PARD3: variants seen among roughly 807,000 people sequenced by gnomAD.
PARD3 encodes partitioning defective 3 homolog.
PARD3 carries 75 observed loss-of-function variants against 155.4 expected under a neutral mutation model. That is an observed-to-expected ratio of 0.48 (90% CI 0.40 to 0.58). The LOEUF (loss-of-function observed/expected upper bound fraction) is 0.58. PARD3 is among the 20% of genes least tolerant of loss of function. PARD3 has a pLI of 0.00. For missense variants in PARD3, 1,642 were observed against 1,721.7 expected (o/e 0.95, Z 0.82); for synonymous variants, 576 against 610.5 (o/e 0.94, Z 0.83).
chr10:34,129,076 C>T (rs2132752867), intron 23 of PARD3, among the ~76,000 whole-genome samples: 1 of 152,324 alleles, frequency 6.6e-6, no homozygotes, highest in East Asian at 1.9e-4. Flanking sequence ...GTTCTACTTG[C>T]ATCTGCTTTA....
At chr10:34,369,477 T>C (rs1840363017) in intron 12 of PARD3, among the ~76,000 whole-genome samples, 1 of 152,102 alleles carries the variant, frequency 6.6e-6, no homozygotes, top group Non-Finnish European at 1.5e-5. Context: ...TTGTAAAGAT[T>C]AAATAAGATA....
chr10:34,674,593 T>C (rs527618700), intron 2 of PARD3, among the ~76,000 whole-genome samples: 2 of 151,624 alleles, frequency 1.3e-5, no homozygotes, highest in Non-Finnish European at 2.9e-5. Context: ...TTCAAGCGAT[T>C]CTCCTGCCTC....
At position 34,696,205 on chromosome 10, in the gene PARD3, A is replaced by C. The variant is rs2094168955; in HGVS notation, c.222+113T>G. The C allele has an allele frequency of 2.0e-5, 13 of 657,236 alleles. No homozygotes were observed. In the Admixed American group the frequency reaches 3.1e-4, roughly 16 times the overall value. 40.7% of individuals were successfully genotyped at this position (657,236 alleles called of 1,614,324 possible). ...GAAAATATACTAGAGTGGGTGGCCC[A>C]CACATAATTTAAAGTATGTGTCTAA... On this transcript the variant is annotated intron_variant, in intron 2 of 24. Transcript: ENST00000374788.
At chr10:34,145,214 TATA>T (rs1419558116) in intron 22 of PARD3, among the ~76,000 whole-genome samples, 4 of 80,022 alleles carry the variant, frequency 5.0e-5, no homozygotes, top group Non-Finnish European at 9.6e-5. Flanking sequence ...TATATATATA[TATA>T]TATATTTTTT....
intron 2 of PARD3, among the ~76,000 whole-genome samples, chr10:34,582,078 C>T (rs917232518): frequency 6.6e-6 from 1 of 152,198 alleles, no homozygotes; most frequent in Non-Finnish European, 1.5e-5. Flanking sequence ...TAAAGACTTG[C>T]TGAAGTTTCA....
Position 34,755,343 on chromosome 10 carries a change from C to T in PARD3, c.121-58924G>A, listed in dbSNP as rs112835247. Reference sequence around the variant, plus strand: ...AGGAAAATCGCTTGAGCCAGGGAAGCAGAGGTTGCAGTGAGCTGAGATTGC... The same window carrying T: ...AGGAAAATCGCTTGAGCCAGGGAAGTAGAGGTTGCAGTGAGCTGAGATTGC... On this transcript the variant is annotated intron_variant, in intron 1 of 24. Coordinates refer to ENST00000374788, the MANE Select transcript of PARD3 (RefSeq NM_001184785.2). 9.2e-3 allele frequency among the ~76,000 whole-genome samples: 1,402 copies of T among 152,016 alleles called. 26 individuals carry two copies. Among genetic ancestry groups the T allele is most frequent in the African/African-American group, 0.032 (1,309 of 41,448 alleles).
At chr10:34,299,665 A>G (rs753517559) in intron 20 of PARD3, among the ~76,000 whole-genome samples, 2 of 152,368 alleles carry the variant, frequency 1.3e-5, no homozygotes, top group African/African-American at 4.8e-5. Flanking sequence ...ATAAAAGATA[A>G]TAAGACCTGC....
chr10:34,334,091 T>C (rs1359895944), intron 18 of PARD3, among the ~76,000 whole-genome samples: 2 of 151,870 alleles, frequency 1.3e-5, no homozygotes, highest in South Asian at 2.1e-4. Context: ...TTTAAAACAA[T>C]ATTTTAAGCT....
chr10:34,190,529 T>C (rs979110781), intron 22 of PARD3, among the ~76,000 whole-genome samples: 1 of 152,186 alleles, frequency 6.6e-6, no homozygotes, highest in African/African-American at 2.4e-5. Context: ...TAAATGCCCT[T>C]TGAGGTTCTC....
chr10:34,501,811 TA>T (rs943240852), intron 3 of PARD3, among the ~76,000 whole-genome samples: 1 of 151,850 alleles, frequency 6.6e-6, no homozygotes, highest in African/African-American at 2.4e-5. Context: ...GTGATTAAGG[TA>T]AAGACCTTGG....
chr10:34,259,671 C>T (rs938513688), intron 22 of PARD3, among the ~76,000 whole-genome samples: 4 of 152,066 alleles, frequency 2.6e-5, no homozygotes, highest in Admixed American at 6.6e-5. Context: ...CATCATACAA[C>T]GAGAGGAATG....
intron 1 of PARD3, among the ~76,000 whole-genome samples, chr10:34,798,814 T>G (rs1337976761): frequency 6.6e-6 from 1 of 151,988 alleles, no homozygotes; most frequent in Non-Finnish European, 1.5e-5. Context: ...GAAATTTCCA[T>G]GCACAGTCCA....
chr10:34,683,317 C>T (rs1006149919), intron 2 of PARD3, among the ~76,000 whole-genome samples: 7 of 151,826 alleles, frequency 4.6e-5, no homozygotes, highest in Admixed American at 2.6e-4. Context: ...ATGAGTTCAC[C>T]GAGGCTCAAA....
chr10:34,541,293 C>A (rs1238453341), intron 2 of PARD3, among the ~76,000 whole-genome samples: 1 of 152,170 alleles, frequency 6.6e-6, no homozygotes, highest in East Asian at 1.9e-4. Context: ...GAAGAACTTC[C>A]AGTGTGCTTA....
intron 22 of PARD3, among the ~76,000 whole-genome samples, chr10:34,142,622 TGGAA>T (rs147788363): frequency 0.01 from 1,501 of 145,968 alleles, 16 homozygotes; most frequent in African/African-American, 0.036. Context: ...GAAAGACGGA[TGGAA>T]GGAAGAAAGG....
At chr10:34,456,541 G>A (rs2077350990) in intron 4 of PARD3, among the ~76,000 whole-genome samples, 3 of 152,110 alleles carry the variant, frequency 2.0e-5, no homozygotes, top group Non-Finnish European at 4.4e-5. Context: ...CAGGCGATCC[G>A]CTCACCTCGG....
chr10:34,667,436 G>A (rs11009857), intron 2 of PARD3, among the ~76,000 whole-genome samples: 3,214 of 152,338 alleles, frequency 0.021, 116 homozygotes, highest in African/African-American at 0.074. Flanking sequence ...GATCAATGGT[G>A]CCTTTCTCTG....
chr10:34,295,484 C>T (rs111942785), intron 20 of PARD3, among the ~76,000 whole-genome samples: 2 of 152,296 alleles, frequency 1.3e-5, no homozygotes, highest in African/African-American at 4.8e-5. Context: ...CCTAGACAGG[C>T]TCACTGGCCA....
At chr10:34,222,237 C>T (rs73268990) in intron 22 of PARD3, among the ~76,000 whole-genome samples, 1 of 152,022 alleles carries the variant, frequency 6.6e-6, no homozygotes, top group Non-Finnish European at 1.5e-5. Flanking sequence ...AATAAGGGGC[C>T]CAGCATTTTC....
Sources: allele counts gnomAD v4.1 joint callset (sites outside exome capture counted in the v4.1 genomes callset), GRCh38; gene constraint gnomAD v4.1.1; transcripts MANE v1.5; gene names NCBI Gene and HGNC (gene_info 2026-07-23, HGNC 2026-07-21).